MIA3: variants seen among roughly 807,000 people sequenced by gnomAD.
The protein encoded by MIA3 is MIA SH3 domain ER export factor 3.
MIA3 carries 90 observed loss-of-function variants against 192.4 expected under a neutral mutation model. That is an observed-to-expected ratio of 0.47 (90% CI 0.39 to 0.56). The LOEUF is 0.56. Among genes scored for constraint, MIA3 ranks in the 20% least tolerant of loss-of-function variants. MIA3 has a pLI of 0.00. For synonymous variants in MIA3, 740 were observed against 792.8 expected (o/e 0.93, Z 1.12); for missense variants, 2,123 against 2,269.4 (o/e 0.94, Z 1.31).
At chr1:222,621,877 C>T (rs1230257616) in intron 2 of MIA3, among the ~76,000 whole-genome samples, 4 of 150,448 alleles carry the variant, frequency 2.7e-5, no homozygotes, top group East Asian at 1.9e-4. Flanking sequence ...GGCGCGATCT[C>T]GGCTCACTGC....
At chr1:222,644,683 A>G in intron 6 of MIA3, 1 of 1,313,192 alleles carries the variant, frequency 7.6e-7, no homozygotes, top group Non-Finnish European at 1.1e-6. Flanking sequence ...TGCAAAGGAG[A>G]AATGGAGTGT....
In MIA3 at chr1:222,658,170, T is replaced by C. The variant is rs546392699; in HGVS notation, c.4608-552T>C. Among the ~76,000 whole-genome samples, 112 of 152,362 alleles carry C rather than the reference T, an allele frequency of 7.4e-4. No individual in the cohort carries two copies. The Middle Eastern group carries it at 0.01, about 14-fold the overall frequency. The stretch of plus-strand genomic sequence containing the variant: ...TACTCGGATTTGTCTCGCTGCTTTA[T>C]CATGATTCCATTGAAATAGGTAGGG... On this transcript the variant is annotated intron_variant, in intron 18 of 27. Coordinates refer to ENST00000344922, the MANE Select transcript of MIA3 (RefSeq NM_198551.4).
rs976001742 is a variant in MIA3 at position 222,621,152 on chromosome 1, T to C, written c.134-7T>C. On this transcript the variant is annotated splice_region_variant and splice_polypyrimidine_tract_variant and intron_variant, in intron 1 of 27. Transcript: ENST00000344922. ...TGGCTATTTTTTTTCTCTCTCTTTATATACAGTGTTAATGTACCGCGGTGA... is the reference window on the plus strand; with the variant it reads ...TGGCTATTTTTTTTCTCTCTCTTTACATACAGTGTTAATGTACCGCGGTGA... 1 of 1,597,954 alleles carries C rather than the reference T, an allele frequency of 6.3e-7. No homozygotes were observed.
intron 7 of MIA3, chr1:222,647,997 G>A (rs1387661801): frequency 6.2e-6 from 2 of 320,618 alleles, no homozygotes; most frequent in East Asian, 8.5e-5. Context: ...TTTGTGGACT[G>A]GTGTTAGTAT....
intron 6 of MIA3, chr1:222,641,580 G>A (rs973914606): frequency 1.2e-5 from 6 of 514,152 alleles, no homozygotes; most frequent in Admixed American, 2.0e-5. Context: ...TGGCATCCTC[G>A]GCTATCTTAT....
rs1006932815 is a variant in MIA3 at position 222,663,978 on chromosome 1, C to G, written c.5263-20C>G. On this transcript the variant is annotated intron_variant, in intron 26 of 27. Coordinates refer to ENST00000344922, the MANE Select transcript of MIA3 (RefSeq NM_198551.4). ...GTCATACCATAGTATTTCAAAACTT[C>G]AATTGTTTCTACTCTGCAGGTTAAT... 5.0e-6 allele frequency: 8 copies of G among 1,593,764 alleles called. No homozygotes were observed. The highest frequency in any genetic ancestry group is 6.8e-6 in the Non-Finnish European group (8 of 1,169,722).
chr1:222,658,577 A>C, intron 18 of MIA3, 145 bp from the exon 19 acceptor site: 2 of 555,018 alleles, frequency 3.6e-6, no homozygotes. Context: ...TTTATCCTAA[A>C]GGACAGTTTT....
At chr1:222,651,392 A>C (rs1320426921) in intron 11 of MIA3, among the ~76,000 whole-genome samples, 1 of 150,190 alleles carries the variant, frequency 6.7e-6, no homozygotes, top group Non-Finnish European at 1.5e-5. Context: ...TTTTTTTTAA[A>C]CTTTTTGCAT....
intron 6 of MIA3, among the ~76,000 whole-genome samples, chr1:222,640,920 A>G (rs991092305): frequency 2.0e-5 from 3 of 152,264 alleles, no homozygotes; most frequent in Non-Finnish European, 4.4e-5. Context: ...GTAAAATTAC[A>G]CTTTACCAAG....
chr1:222,618,591 AC>A (rs937014729), intron 1 of MIA3, among the ~76,000 whole-genome samples: 9 of 143,384 alleles, frequency 6.3e-5, no homozygotes, highest in South Asian at 4.8e-4. Flanking sequence ...TCCCCTTCCC[AC>A]CCCCCCAATC....
chr1:222,652,501 C>G (rs186906216), intron 13 of MIA3, among the ~76,000 whole-genome samples, 169 bp downstream of exon 13: 1 of 152,192 alleles, frequency 6.6e-6, no homozygotes, highest in African/African-American at 2.4e-5. Flanking sequence ...TATACATTCT[C>G]TATCTGTTCT....
In MIA3 at chr1:222,630,061, G is replaced by A. The variant is rs1662326474; in HGVS notation, c.2841G>A (p.Glu947=). ...TCCAGAAGTACTTTAATGTCCATGA[G>A]CTGGAAGCCTTGCTACAAGAAATGT... ...QRFQKYFNVH[E]LEALLQEMSS... The change falls in exon 4 of 28, where the codon GAG becomes GAA. Residue 947 remains glutamate (E), a synonymous_variant. Coordinates refer to ENST00000344922, the MANE Select transcript of MIA3 (RefSeq NM_198551.4). 5.0e-6 allele frequency: 8 copies of A among 1,614,160 alleles called. No homozygotes were observed. The highest frequency in any genetic ancestry group is 6.8e-6 in the Non-Finnish European group (8 of 1,180,040).
At chr1:222,659,044 G>A (rs1663875534) in intron 19 of MIA3, 1 of 473,816 alleles carries the variant, frequency 2.1e-6, no homozygotes, top group South Asian at 2.9e-5. Flanking sequence ...TCTGGGGGTT[G>A]GAGGGGGTGG....
At chr1:222,647,183 C>G (rs1663188935) in intron 7 of MIA3, among the ~76,000 whole-genome samples, 1 of 152,044 alleles carries the variant, frequency 6.6e-6, no homozygotes. Context: ...AAAGACACAC[C>G]GTTAATTTTT....
At chr1:222,618,690 G>C (rs1020490641) in intron 1 of MIA3, among the ~76,000 whole-genome samples, 1 of 152,088 alleles carries the variant, frequency 6.6e-6, no homozygotes, top group Non-Finnish European at 1.5e-5. Context: ...CGCGCTGCGG[G>C]GACCTCGGTG....
At chr1:222,634,294 C>T (rs1206217516) in intron 6 of MIA3, among the ~76,000 whole-genome samples, 2 of 151,906 alleles carry the variant, frequency 1.3e-5, no homozygotes, top group Non-Finnish European at 2.9e-5. Context: ...GCATTCCAGC[C>T]TGAGCGACAG....
At chr1:222,618,983 G>C (rs1020962934) in intron 1 of MIA3, among the ~76,000 whole-genome samples, 1 of 152,160 alleles carries the variant, frequency 6.6e-6, no homozygotes, top group Admixed American at 6.5e-5. Flanking sequence ...AGGCAGGACT[G>C]CAGGAAGACC....
intron 7 of MIA3, among the ~76,000 whole-genome samples, chr1:222,647,014 A>G (rs1175834075): frequency 6.6e-6 from 1 of 152,220 alleles, no homozygotes; most frequent in Non-Finnish European, 1.5e-5. Flanking sequence ...TAAATGCTGC[A>G]AGGAAATACA....
chr1:222,644,115 GC>G (rs1207993275), intron 6 of MIA3, among the ~76,000 whole-genome samples: 1 of 152,178 alleles, frequency 6.6e-6, no homozygotes, highest in Non-Finnish European at 1.5e-5. Context: ...TTACTCTGGG[GC>G]TCTTTAAGTC....
Sources: allele counts gnomAD v4.1 joint callset (sites outside exome capture counted in the v4.1 genomes callset), GRCh38; gene constraint gnomAD v4.1.1; transcripts MANE v1.5; gene names NCBI Gene and HGNC (gene_info 2026-07-23, HGNC 2026-07-21).